The following CDYL2 variants were observed in gnomAD, a reference collection of about 807,000 sequenced individuals.
CDYL2 encodes chromodomain Y like 2, also known as chromodomain Y-like protein 2.
CDYL2 carries 23 observed loss-of-function variants against 49.4 expected under a neutral mutation model. That is an observed-to-expected ratio of 0.47 (90% CI 0.34 to 0.66). The LOEUF is 0.66. Among genes scored for constraint, CDYL2 ranks in the 30% least tolerant of loss-of-function variants. The probability of loss-of-function intolerance (pLI) is 0.01; values close to 1 mark genes in which losing one functional copy is unlikely to be tolerated. For missense variants in CDYL2, 678 were observed against 656.4 expected, an observed-to-expected ratio of 1.03 and a Z score of -0.36; for synonymous variants, 360 against 268.8, an observed-to-expected ratio of 1.34 and a Z score of -3.32.
chr16:80,705,717 C>T (rs1904382240), intron 1 of CDYL2, among the ~76,000 whole-genome samples: 1 of 152,260 alleles, frequency 6.6e-6, no homozygotes, highest in African/African-American at 2.4e-5. Context: ...GTCTCTGTTG[C>T]AACTACTCAA....
At position 80,600,270 on chromosome 16, in the gene CDYL2, T is replaced by C. The variant is rs529395806; in HGVS notation, c.*4118A>G. On this transcript the variant is annotated 3_prime_UTR_variant, in exon 7 of 7. Coordinates refer to ENST00000570137, the MANE Select transcript of CDYL2 (RefSeq NM_152342.4). ...TGAAAAAATTGGCACCAAACCAGTA[T>C]GCTATTTTTCAAAAGAACAAGTGAT... 2.6e-5 allele frequency: 4 copies of C among 152,284 alleles called. No homozygotes were observed. In the East Asian group the frequency reaches 7.7e-4, roughly 29 times the overall value. 9.4% of individuals were successfully genotyped at this position (152,284 alleles called of 1,614,324 possible).
At chr16:80,751,889 G>A (rs1339583721) in intron 1 of CDYL2, among the ~76,000 whole-genome samples, 2 of 152,118 alleles carry the variant, frequency 1.3e-5, no homozygotes, top group Non-Finnish European at 2.9e-5. Flanking sequence ...GCCTACTGGA[G>A]GACAGGATAA....
In CDYL2 at chr16:80,720,053, C is replaced by A. The variant is rs567204870; in HGVS notation, c.25-34924G>T. ...TGCCTTGACACTGTAAAGCCACCAG[C>A]CTTTAGTGGTCGAGCAAATAATATT... On this transcript the variant is annotated intron_variant, in intron 1 of 6. Transcript: ENST00000570137. Among the ~76,000 whole-genome samples the A allele has an allele frequency of 7.2e-5, 11 of 152,340 alleles. No homozygotes were observed. In the East Asian group the frequency reaches 1.9e-3, roughly 27 times the overall value.
chr16:80,634,504 G>A (rs1907727610), intron 2 of CDYL2, among the ~76,000 whole-genome samples: 1 of 152,100 alleles, frequency 6.6e-6, no homozygotes, highest in South Asian at 2.1e-4. Flanking sequence ...CGTGGGGTGG[G>A]GACATGGGTG....
intron 1 of CDYL2, among the ~76,000 whole-genome samples, chr16:80,775,224 T>C (rs1192654966): frequency 6.6e-6 from 1 of 151,754 alleles, no homozygotes; most frequent in African/African-American, 2.4e-5. Flanking sequence ...AAATATATTA[T>C]AAGTGAAGAT....
intron 1 of CDYL2, among the ~76,000 whole-genome samples, chr16:80,753,424 C>T (rs192334260): frequency 6.6e-6 from 1 of 152,118 alleles, no homozygotes. Flanking sequence ...GCCTGACCAA[C>T]ATGGAGAAAC....
At chr16:80,709,846 GACA>G (rs922883284) in intron 1 of CDYL2, among the ~76,000 whole-genome samples, 2 of 151,764 alleles carry the variant, frequency 1.3e-5, no homozygotes, top group Admixed American at 6.6e-5. Flanking sequence ...CTGAGCCACT[GACA>G]ACATTTTTGA....
At chr16:80,729,874 G>A (rs1364251941) in intron 1 of CDYL2, among the ~76,000 whole-genome samples, 7 of 152,136 alleles carry the variant, frequency 4.6e-5, no homozygotes, top group Admixed American at 1.3e-4. Flanking sequence ...CGAAATGAAG[G>A]CAGAAATAAA....
In CDYL2 at chr16:80,603,244, C is replaced by G. The variant is rs1906174866; in HGVS notation, c.*1144G>C. On this transcript the variant is annotated 3_prime_UTR_variant, in exon 7 of 7. Coordinates refer to ENST00000570137, the MANE Select transcript of CDYL2 (RefSeq NM_152342.4). ...TGCAGGATCCAAGTTCAGTCATTTG[C>G]CCCAAAGAAAGAAGTCTTATTCTAG... The G allele has an allele frequency of 6.6e-6, 1 of 152,104 alleles. No homozygotes were observed. The highest frequency in any genetic ancestry group is 2.4e-5 in the African/African-American group (1 of 41,380). 9.4% of individuals were successfully genotyped at this position (152,104 alleles called of 1,614,324 possible). A position where few individuals can be genotyped will look rare whatever the true frequency, so the allele number is the denominator to read the frequency against.
At chr16:80,754,301 G>C (rs902439903) in intron 1 of CDYL2, among the ~76,000 whole-genome samples, 1 of 152,154 alleles carries the variant, frequency 6.6e-6, no homozygotes, top group South Asian at 2.1e-4. Flanking sequence ...GGTGGACAGA[G>C]CCCAAGGAGA....
chr16:80,777,400 A>G (rs1907123600), intron 1 of CDYL2, among the ~76,000 whole-genome samples: 1 of 152,130 alleles, frequency 6.6e-6, no homozygotes, highest in Non-Finnish European at 1.5e-5. Context: ...AGAGCAAGAA[A>G]AGACTGCAAT....
rs1284435611 is a variant in CDYL2, at chr16:80,706,836, C to T, written c.25-21707G>A. Among the ~76,000 whole-genome samples the T allele has an allele frequency of 2.6e-5, 4 of 152,170 alleles. No individual in the cohort carries two copies. In the East Asian group the frequency reaches 7.7e-4, roughly 29 times the overall value. The stretch of plus-strand genomic sequence containing the variant: ...TCATCACGGGAAGGCAGAAGATAGG[C>T]CGGTCTCATTCATGAGAACAGAGGT... On this transcript the variant is annotated intron_variant, in intron 1 of 6. Transcript: ENST00000570137.
At chr16:80,740,376 A>T (rs1344901726) in intron 1 of CDYL2, among the ~76,000 whole-genome samples, 2 of 152,202 alleles carry the variant, frequency 1.3e-5, no homozygotes, top group Non-Finnish European at 2.9e-5. Context: ...AGACATATGT[A>T]TTTGAGAACC....
At chr16:80,711,884 G>C (rs1904608711) in intron 1 of CDYL2, among the ~76,000 whole-genome samples, 2 of 151,922 alleles carry the variant, frequency 1.3e-5, no homozygotes, top group South Asian at 2.1e-4. Context: ...CTGCGGAATA[G>C]AGACGTCAAC....
In CDYL2 at chr16:80,633,024, G is replaced by C. The variant is rs759385054; in HGVS notation, c.829C>G (p.Pro277Ala). ...SQTSDNNALT[P>A]EIMKEVRRAL... is the part of the protein sequence containing the mutation. ...CTCTGGCCGCCACCCCTTACCTCAGGTGTCAGGGCATTGTTATCCGAGGTC... is the reference window on the plus strand; with the variant it reads ...CTCTGGCCGCCACCCCTTACCTCAGCTGTCAGGGCATTGTTATCCGAGGTC... The change falls in exon 3 of 7, where the codon CCT (proline) becomes GCT (alanine). Residue 277 changes from proline to alanine, a missense_variant. This residue lies in a region of CDYL2 where 478 missense variants were observed against 427.0 expected (regional missense o/e 1.12). Transcript: ENST00000570137. 7 of 1,613,348 alleles carry C rather than the reference G, an allele frequency of 4.3e-6. No homozygotes were observed. Among genetic ancestry groups the C allele is most frequent in the Non-Finnish European group, 5.9e-6 (7 of 1,179,312 alleles).
Position 80,633,138 on chromosome 16 carries a change from T to G in CDYL2, c.715A>C (p.Ser239Arg), listed in dbSNP as rs1452179206. 1.9e-6 allele frequency: 3 copies of G among 1,614,112 alleles called. No homozygotes were observed. Among genetic ancestry groups the G allele is most frequent in the Non-Finnish European group, 2.5e-6 (3 of 1,180,040 alleles). Reference sequence around the variant, plus strand: ...CAGTTGCTTTCATTCTGGCGGACACTGTATCTGAGCCTTTTGTCAAAGACG... The same window carrying G: ...CAGTTGCTTTCATTCTGGCGGACACGGTATCTGAGCCTTTTGTCAAAGACG... The part of the protein sequence containing the change: ...DYVFDKRLRY[S>R]VRQNESNCRF... Residue 239 changes from serine (S) to arginine (R), a missense_variant, in exon 3 of 7, where the codon AGT (serine) becomes CGT (arginine). By Grantham distance (110) the Ser-to-Arg change is moderately radical (BLOSUM62 -1). Around this residue, in one of 3 missense-constraint regions of CDYL2, gnomAD observed 478 missense variants for 427.0 expected, o/e 1.12. Transcript: ENST00000570137.
intron 2 of CDYL2, among the ~76,000 whole-genome samples, chr16:80,644,547 A>T (rs981668602): frequency 5.3e-5 from 8 of 152,170 alleles, no homozygotes; most frequent in African/African-American, 1.9e-4. Context: ...ACAGTTCCAC[A>T]TAGCTGTGGA....
chr16:80,783,580 C>G (rs1167567213), intron 1 of CDYL2, among the ~76,000 whole-genome samples: 1 of 152,152 alleles, frequency 6.6e-6, no homozygotes, highest in Non-Finnish European at 1.5e-5. Flanking sequence ...AAAGTGGAAA[C>G]AACCTATGTC....
chr16:80,803,603 C>A, intron 1 of CDYL2, among the ~76,000 whole-genome samples: 1 of 145,644 alleles, frequency 6.9e-6, no homozygotes, highest in African/African-American at 2.5e-5. Context: ...CCCAGCCTCC[C>A]CCTTCGCAGC....
Sources: allele counts gnomAD v4.1 joint callset (sites outside exome capture counted in the v4.1 genomes callset), GRCh38; gene constraint gnomAD v4.1.1; regional missense constraint gnomAD v4.1.1; transcripts MANE v1.5; gene names NCBI Gene and HGNC (gene_info 2026-07-23, HGNC 2026-07-21).